RNF145: variants seen among roughly 807,000 people sequenced by gnomAD.
RNF145 encodes ring finger protein 145.
A neutral mutation model predicts 57.3 loss-of-function variants in RNF145; 12 were observed. That is an observed-to-expected ratio of 0.21 (90% CI 0.13 to 0.34). RNF145 has a LOEUF of 0.34. RNF145 is among the 10% of genes least tolerant of loss of function. The pLI is 1.00. For missense variants in RNF145, 429 were observed against 799.0 expected, an observed-to-expected ratio of 0.54 and a Z score of 5.58; for synonymous variants, 262 against 288.3, an observed-to-expected ratio of 0.91 and a Z score of 0.92.
intron 4 of RNF145, among the ~76,000 whole-genome samples, chr5:159,178,159 G>A (rs939200211): frequency 6.6e-6 from 1 of 151,798 alleles, no homozygotes; most frequent in Non-Finnish European, 1.5e-5. Context: ...TATACAAATA[G>A]CTGTATTTTC....
chr5:159,164,343 T>A (rs1359567979), intron 8 of RNF145, among the ~76,000 whole-genome samples: 1 of 152,188 alleles, frequency 6.6e-6, no homozygotes, highest in Non-Finnish European at 1.5e-5. Context: ...GCAGTAGCTG[T>A]ACTGTGTTAG....
intron 6 of RNF145, among the ~76,000 whole-genome samples, chr5:159,172,249 G>A (rs570368845): frequency 6.6e-6 from 1 of 151,430 alleles, no homozygotes; most frequent in South Asian, 2.1e-4. Flanking sequence ...CCAGGACTTT[G>A]AGAGGCTGAG....
intron 3 of RNF145, among the ~76,000 whole-genome samples, chr5:159,191,394 C>CT (rs1221227061): frequency 1.3e-5 from 2 of 152,008 alleles, no homozygotes; most frequent in Non-Finnish European, 2.9e-5. Flanking sequence ...TGCCTACTTC[C>CT]TTTTTTTCAT....
chr5:159,178,106 C>T (rs1784774463), intron 4 of RNF145, among the ~76,000 whole-genome samples: 1 of 151,760 alleles, frequency 6.6e-6, no homozygotes, highest in South Asian at 2.1e-4. Context: ...ATAGTACCCA[C>T]CTTTAGTGCC....
In RNF145 at chr5:159,174,075, C is replaced by T. The variant is rs753009151; in HGVS notation, c.705G>A (p.Trp235Ter). 2 of 1,613,314 alleles carry T rather than the reference C, an allele frequency of 1.2e-6. No individual in the cohort carries two copies. Among genetic ancestry groups the T allele is most frequent in the Non-Finnish European group, 1.7e-6 (2 of 1,179,628 alleles). ...LVVPVLFMVF[W>*]LVLFALQIYS... ...AAATCTGAAGAGCAAATAAGACGAG[C>T]CAGAAAACCATGAAAAGAACAGGGA... The change falls in exon 6 of 11, where the codon TGG becomes TGA. Residue 235 changes from tryptophan to a stop codon, truncating the protein, a stop_gained. Coordinates refer to ENST00000424310, the MANE Select transcript of RNF145 (RefSeq NM_001199383.2). LOFTEE classifies it high-confidence loss of function.
At position 159,169,035 on chromosome 5, in the gene RNF145, G is replaced by A. The variant is rs1199944970; in HGVS notation, c.959C>T (p.Thr320Met). The A allele has an allele frequency of 3.2e-6, 5 of 1,572,822 alleles. No homozygotes were observed. Among genetic ancestry groups the A allele is most frequent in the Middle Eastern group, 1.7e-4 (1 of 5,914 alleles). The change falls in exon 8 of 11, where the codon ACG (threonine) becomes ATG (methionine). Residue 320 changes from threonine to methionine, a missense_variant. Around this residue, in one of 4 missense-constraint regions of RNF145, gnomAD observed 216 missense variants for 457.6 expected, o/e 0.47. Transcript: ENST00000424310. The stretch of plus-strand genomic sequence containing the variant: ...AGTCTGCACTGCCAGGATTAACAGC[G>A]TTACTCCTTCTGTCATGCCCCTAAA... The part of the protein sequence containing the change: ...AMNRGMTEGV[T>M]LLILAVQTGL...
chr5:159,175,250 T>C lies in RNF145; in HGVS notation c.622-1092A>G, dbSNP rs182363033. Among the ~76,000 whole-genome samples, 3 of 152,248 alleles carry C rather than the reference T, an allele frequency of 2.0e-5. No individual in the cohort carries two copies. In the East Asian group the frequency reaches 5.8e-4, roughly 29 times the overall value. On this transcript the variant is annotated intron_variant, in intron 5 of 10. Transcript: ENST00000424310. ...GCAAAATTATTATCAGGTAAACTCA[T>C]CATTACGAGGCAGAGAATATTTTTC... is the stretch of plus-strand genomic sequence containing the variant.
chr5:159,209,835 G>A (rs1584720826), upstream of RNF145: 3 of 1,535,168 alleles, frequency 2.0e-6, no homozygotes, highest in African/African-American at 1.4e-5. Flanking sequence ...GGCCGCAAGC[G>A]CTCACACCCA....
At chr5:159,165,326 G>C (rs1784356763) in intron 8 of RNF145, among the ~76,000 whole-genome samples, 1 of 152,014 alleles carries the variant, frequency 6.6e-6, no homozygotes, top group Non-Finnish European at 1.5e-5. Flanking sequence ...CCTTTTTATA[G>C]TTTGGTTTTA....
rs1413667888 is a variant in RNF145, at chr5:159,196,256, A to C, written c.185-1432T>G. ...TTTTTTTTTTTTTTTTGCAATTTTAAGCTCATCAGCTATCACTAGTGTTAG... is the reference window on the plus strand; with the variant it reads ...TTTTTTTTTTTTTTTTGCAATTTTACGCTCATCAGCTATCACTAGTGTTAG... On this transcript the variant is annotated intron_variant, in intron 2 of 10. Coordinates refer to ENST00000424310, the MANE Select transcript of RNF145 (RefSeq NM_001199383.2). Among the ~76,000 whole-genome samples the C allele has an allele frequency of 3.4e-5, 5 of 149,018 alleles. No individual in the cohort carries two copies. In the South Asian group the frequency reaches 6.3e-4, roughly 19 times the overall value.
Position 159,169,674 on chromosome 5 carries a change from C to G in RNF145, c.938+5G>C. 1 of 1,589,792 alleles carries G rather than the reference C, an allele frequency of 6.3e-7. No homozygotes were observed. The highest frequency in any genetic ancestry group is 8.5e-7 in the Non-Finnish European group (1 of 1,172,304). On this transcript the variant is annotated splice_donor_5th_base_variant and intron_variant, in intron 7 of 10. Coordinates refer to ENST00000424310, the MANE Select transcript of RNF145 (RefSeq NM_001199383.2). ...TTTCTAGATATAATCAAGGAAAGAACTTACCGATTCATGGCAGGATCATTC... is the reference window on the plus strand; with the variant it reads ...TTTCTAGATATAATCAAGGAAAGAAGTTACCGATTCATGGCAGGATCATTC...
chr5:159,172,774 A>C (rs773630751), intron 6 of RNF145, among the ~76,000 whole-genome samples: 2 of 152,208 alleles, frequency 1.3e-5, no homozygotes, highest in Non-Finnish European at 2.9e-5. Context: ...TAAGGATAGT[A>C]AACTTGTCTT....
At chr5:159,209,670 A>G (rs2113269638), upstream of RNF145, 1 of 953,230 alleles carries the variant, frequency 1.0e-6, no homozygotes, top group Non-Finnish European at 1.4e-6. Flanking sequence ...TGCTTTCCGC[A>G]CCGCCTCCGG....
rs531104742 is a variant in RNF145 at position 159,166,712 on chromosome 5, A to G, written c.1121+2161T>C. On this transcript the variant is annotated intron_variant, in intron 8 of 10. Transcript: ENST00000424310. The stretch of plus-strand genomic sequence containing the variant: ...AAGCCAACATTACAAATGCCTCGCA[A>G]TATCTCCTGCCATGAGTGAAATACT... Among the ~76,000 whole-genome samples the G allele has an allele frequency of 4.6e-4, 70 of 152,314 alleles. 2 individuals carry two copies. The highest frequency in any genetic ancestry group is 1.5e-3 in the African/African-American group (63 of 41,572).
intron 2 of RNF145, among the ~76,000 whole-genome samples, chr5:159,197,371 T>G (rs1785494839): frequency 6.6e-6 from 1 of 152,236 alleles, no homozygotes; most frequent in South Asian, 2.1e-4. Flanking sequence ...ATATAAAGCC[T>G]AAATACAATA....
At chr5:159,179,233 C>A (rs1025342677) in intron 4 of RNF145, among the ~76,000 whole-genome samples, 4 of 152,102 alleles carry the variant, frequency 2.6e-5, no homozygotes, top group East Asian at 1.9e-4. Context: ...GAAGACTACT[C>A]CTGCTGACGT....
chr5:159,180,081 C>T (rs1263302057), intron 4 of RNF145, among the ~76,000 whole-genome samples: 1 of 151,916 alleles, frequency 6.6e-6, no homozygotes, highest in African/African-American at 2.4e-5. Context: ...TCTGACTTAC[C>T]AAGGATTGAA....
intron 5 of RNF145, among the ~76,000 whole-genome samples, chr5:159,175,996 T>C (rs969935711): frequency 1.7e-4 from 26 of 152,294 alleles, no homozygotes; most frequent in African/African-American, 6.3e-4. Context: ...TAATTTATCT[T>C]AGAGCAAAGG....
rs1448051554 is a variant in RNF145, at chr5:159,209,498, CCGGCGT to C, written c.-313_-308del. ...GGGCCGAGCCCCTTAGCAGCCGGCG[CCGGCGT>C]CGGCGGCCATGGCCTCCTGCGTTTG... On this transcript the variant is annotated 5_prime_UTR_variant, in exon 1 of 11. Coordinates refer to ENST00000424310, the MANE Select transcript of RNF145 (RefSeq NM_001199383.2). 9.1e-4 allele frequency: 311 copies of C among 339,946 alleles called. 2 individuals carry two copies. In the African/African-American group the frequency reaches 0.048, roughly 53 times the overall value. The allele number at this position is 339,946 out of a possible 1,614,324, so 21.1% of individuals were successfully genotyped here.
Sources: gnomAD v4.1 joint callset for allele counts (sites outside exome capture counted in the v4.1 genomes callset) on GRCh38, gnomAD v4.1.1 for gene constraint, gnomAD v4.1.1 regional missense constraint, MANE v1.5 for transcripts, NCBI Gene and HGNC (gene_info 2026-07-23, HGNC 2026-07-21) for gene names.